The following FRMPD4 variants were observed in gnomAD, a reference collection of about 807,000 sequenced individuals.
FRMPD4 encodes the protein FERM and PDZ domain containing 4.
In FRMPD4, 22 loss-of-function variants were observed where a neutral mutation model predicts 94.1. That is an observed-to-expected ratio of 0.23 (90% CI 0.17 to 0.33). The LOEUF (loss-of-function observed/expected upper bound fraction) is 0.33, where lower values mean the gene tolerates loss of function less well. Among genes scored for constraint, FRMPD4 ranks in the 10% least tolerant of loss-of-function variants. The pLI, the probability that FRMPD4 is intolerant of heterozygous loss-of-function variation, is 1.00. For missense variants in FRMPD4, 1,111 were observed against 1,339.9 expected (o/e 0.83, Z 2.67); for synonymous variants, 631 against 548.6 (o/e 1.15, Z -2.10).
chrX:12,314,460 G>A (rs923229245), intron 1 of FRMPD4, among the ~76,000 whole-genome samples: 5 of 110,979 alleles, frequency 4.5e-5, no homozygotes, highest in Non-Finnish European at 7.6e-5. Flanking sequence ...TCGGTTTTGG[G>A]AGTGAGACTG....
At chrX:11,824,078 C>T (rs2053426570) in intron 1 of FRMPD4, among the ~76,000 whole-genome samples, 1 of 111,658 alleles carries the variant, frequency 9.0e-6, no homozygotes, top group Non-Finnish European at 1.9e-5. Context: ...GATGAGATTC[C>T]TAACAGCTCC....
chrX:12,402,408 T>C (rs948695444), intron 1 of FRMPD4, among the ~76,000 whole-genome samples: 5 of 111,075 alleles, frequency 4.5e-5, no homozygotes. Flanking sequence ...CAGAACAAAA[T>C]ACCCTGCTTA....
At chrX:12,245,494 TCTC>T (rs1303131307) in intron 1 of FRMPD4, among the ~76,000 whole-genome samples, 3 of 103,161 alleles carry the variant, frequency 2.9e-5, no homozygotes, top group Non-Finnish European at 3.9e-5. Context: ...TTCAATCTCT[TCTC>T]CTCTCTTATG....
intron 2 of FRMPD4, among the ~76,000 whole-genome samples, chrX:12,566,843 A>T (rs1436769037): frequency 9.0e-6 from 1 of 111,238 alleles, no homozygotes; most frequent in Non-Finnish European, 1.9e-5. Flanking sequence ...GTAGCAAAAA[A>T]TATTATTTCC....
At chrX:12,316,167 G>T (rs748790848) in intron 1 of FRMPD4, among the ~76,000 whole-genome samples, 11 of 110,698 alleles carry the variant, frequency 9.9e-5, no homozygotes, top group Non-Finnish European at 1.7e-4. Context: ...TATTTTTTTT[G>T]AGACAGTCTC....
At chrX:12,136,435 C>T (rs181244114), upstream of FRMPD4, among the ~76,000 whole-genome samples, 36 of 110,930 alleles carry the variant, frequency 3.2e-4, no homozygotes, top group East Asian at 8.7e-3. Flanking sequence ...AATAGGGACT[C>T]GGAGTCCAGG....
At chrX:12,680,972 G>C (rs1354534768) in intron 5 of FRMPD4, among the ~76,000 whole-genome samples, 1 of 111,361 alleles carries the variant, frequency 9.0e-6, no homozygotes, top group Non-Finnish European at 1.9e-5. Flanking sequence ...TATATCAAAT[G>C]ATATGCATCC....
At chrX:11,981,504 T>A (rs2054396820) in intron 3 of FRMPD4, among the ~76,000 whole-genome samples, 1 of 111,561 alleles carries the variant, frequency 9.0e-6, no homozygotes, top group African/African-American at 3.2e-5. Flanking sequence ...TTAAAGTCTA[T>A]CTTGTCTGAT....
chrX:12,232,633 C>T (rs140523376), intron 1 of FRMPD4, among the ~76,000 whole-genome samples: 14 of 111,225 alleles, frequency 1.3e-4, no homozygotes, highest in African/African-American at 3.9e-4. Flanking sequence ...TTGGCAAAAC[C>T]AGTATTGGGT....
intron 1 of FRMPD4, among the ~76,000 whole-genome samples, chrX:12,408,914 G>T (rs1601909123): frequency 9.0e-6 from 1 of 111,040 alleles, no homozygotes; most frequent in Non-Finnish European, 1.9e-5. Context: ...TCTTCCATTA[G>T]AGAGAGAATA....
chrX:12,501,272 C>G lies in FRMPD4; in HGVS notation c.158+2476C>G, dbSNP rs369668776. Among the ~76,000 whole-genome samples the G allele has an allele frequency of 3.6e-5, 4 of 112,496 alleles. 1 individual carries two copies. The highest frequency in any genetic ancestry group is 1.3e-4 in the African/African-American group (4 of 30,987). ...TGGCAAGTTTTAAAACCAAAGTCAC[C>G]AGTGTTATTTTTCCAAATCCATGTG... On this transcript the variant is annotated intron_variant, in intron 2 of 16. Transcript: ENST00000675598.
At chrX:12,519,332 GT>G (rs1325960958) in intron 2 of FRMPD4, among the ~76,000 whole-genome samples, 1 of 112,449 alleles carries the variant, frequency 8.9e-6, no homozygotes, top group East Asian at 2.8e-4. Flanking sequence ...CAGTGTGATA[GT>G]GGTATAAAGA....
chrX:11,966,642 A>G (rs1234482046), intron 3 of FRMPD4, among the ~76,000 whole-genome samples: 3 of 111,676 alleles, frequency 2.7e-5, no homozygotes, highest in African/African-American at 9.8e-5. Flanking sequence ...GTTTTATCCA[A>G]GGATTTTAAT....
intron 3 of FRMPD4, among the ~76,000 whole-genome samples, chrX:11,917,967 C>T (rs1049912517): frequency 5.4e-5 from 6 of 111,348 alleles, no homozygotes; most frequent in African/African-American, 6.5e-5. Context: ...TGTGACTGCC[C>T]TATTGTCACA....
At chrX:11,845,737 A>G (rs984125871) in intron 1 of FRMPD4, among the ~76,000 whole-genome samples, 1 of 110,941 alleles carries the variant, frequency 9.0e-6, no homozygotes, top group Admixed American at 9.7e-5. Flanking sequence ...ACACAAATCA[A>G]TAAATGTAAT....
intron 1 of FRMPD4, among the ~76,000 whole-genome samples, chrX:12,475,043 C>G (rs964419322): frequency 1.8e-5 from 2 of 111,870 alleles, no homozygotes; most frequent in African/African-American, 6.5e-5. Flanking sequence ...CCCTGATGAA[C>G]ATTGATGCAA....
intron 2 of FRMPD4, among the ~76,000 whole-genome samples, chrX:12,517,263 T>A (rs1034688633): frequency 1.8e-5 from 2 of 111,481 alleles, no homozygotes; most frequent in Non-Finnish European, 3.8e-5. Flanking sequence ...GTTCTGATCA[T>A]TTGGAGGAGA....
chrX:11,853,604 A>G (rs1203508296), intron 1 of FRMPD4, among the ~76,000 whole-genome samples: 3 of 111,966 alleles, frequency 2.7e-5, no homozygotes, highest in Non-Finnish European at 5.6e-5. Flanking sequence ...GAACACCTCT[A>G]TGCACATAAA....
intron 1 of FRMPD4, among the ~76,000 whole-genome samples, chrX:12,165,785 C>T (rs985581127): frequency 9.0e-6 from 1 of 110,785 alleles, no homozygotes; most frequent in African/African-American, 3.3e-5. Flanking sequence ...AAGTTGGATT[C>T]CTAGGTATTT....
Sources: allele counts gnomAD v4.1 joint callset (sites outside exome capture counted in the v4.1 genomes callset), GRCh38; gene constraint gnomAD v4.1.1; transcripts MANE v1.5; gene names NCBI Gene and HGNC (gene_info 2026-07-23, HGNC 2026-07-21).